SERINC2: variants seen among roughly 807,000 people sequenced by gnomAD.
The protein encoded by SERINC2 is serine incorporator 2.
SERINC2 carries 56 observed loss-of-function variants against 54.2 expected under a neutral mutation model. The ratio of observed to expected loss-of-function variants is 1.03; its 90% confidence interval spans 0.83 to 1.29. SERINC2 has a LOEUF of 1.29. Ranked by LOEUF, SERINC2 falls within the 50% of genes most tolerant of loss-of-function variation. The pLI is 0.00. For missense variants in SERINC2, 614 were observed against 607.4 expected, an observed-to-expected ratio of 1.01 and a Z score of -0.12; for synonymous variants, 272 against 253.1, an observed-to-expected ratio of 1.07 and a Z score of -0.71.
rs1641053485 is a variant in SERINC2, at chr1:31,426,726, C to T, written c.683C>T (p.Thr228Ile). The change falls in exon 6 of 10, where the codon ACT (threonine) becomes ATT (isoleucine). Residue 228 changes from threonine to isoleucine, a missense_variant. Physicochemically the swap from Thr to Ile is moderately conservative, Grantham distance 89. Coordinates refer to ENST00000373709, the MANE Select transcript of SERINC2 (RefSeq NM_178865.5). Reference sequence around the variant, plus strand: ...GTGGCGCTGATGTTCATGTACTACACTGAGCCCAGCGGCTGCCACGAGGGC... The same window carrying T: ...GTGGCGCTGATGTTCATGTACTACATTGAGCCCAGCGGCTGCCACGAGGGC... Reference protein sequence around the residue: ...AAVALMFMYYTEPSGCHEGKV... With the variant: ...AAVALMFMYYIEPSGCHEGKV... 3 of 1,614,046 alleles carry T rather than the reference C, an allele frequency of 1.9e-6. No homozygotes were observed. Among genetic ancestry groups the T allele is most frequent in the South Asian group, 2.2e-5 (2 of 91,088 alleles).
chr1:31,418,060 T>C (rs1177247602), intron 1 of SERINC2, among the ~76,000 whole-genome samples: 4 of 152,138 alleles, frequency 2.6e-5, no homozygotes, highest in African/African-American at 7.2e-5. Flanking sequence ...GGTTTCACCA[T>C]GTTGGCCAGG....
Position 31,426,837 on chromosome 1 carries a change from A to T in SERINC2, c.780+14A>T, listed in dbSNP as rs10454445. On this transcript the variant is annotated intron_variant, in intron 6 of 9. Transcript: ENST00000373709. The stretch of plus-strand genomic sequence containing the variant: ...CCCAAGGTCCAGGTGAGCCTGCCTG[A>T]CCCCCCCTGGCCTGAAGCCCGGCCC... 0.99 allele frequency: 1,585,469 copies of T among 1,608,008 alleles called. 784,109 individuals carry two copies. The highest frequency in any genetic ancestry group is 1 in the East Asian group (44,712 of 44,720).
chr1:31,432,128 ATAGGGTG>A (rs1557501464), intron 8 of SERINC2, among the ~76,000 whole-genome samples: 1 of 92,830 alleles, frequency 1.1e-5, no homozygotes, highest in African/African-American at 5.0e-5. Context: ...GTTAGGGTGG[ATAGGGTG>A]GACAGGGTGG....
chr1:31,432,294 A>T (rs916213078), intron 8 of SERINC2, among the ~76,000 whole-genome samples: 3 of 151,552 alleles, frequency 2.0e-5, no homozygotes, highest in Admixed American at 6.6e-5. Flanking sequence ...GCTGGAATCC[A>T]GCTCTCCTTT....
intron 1 of SERINC2, among the ~76,000 whole-genome samples, chr1:31,423,468 A>G (rs1285991967): frequency 6.6e-6 from 1 of 152,110 alleles, no homozygotes; most frequent in African/African-American, 2.4e-5. Context: ...CCACAGTATC[A>G]CTGGAGATAG....
At chr1:31,412,000 CAAAAAAAAAAAAA>C (rs11368197), upstream of SERINC2, among the ~76,000 whole-genome samples, 1 of 44,504 alleles carries the variant, frequency 2.2e-5, no homozygotes, top group Non-Finnish European at 3.9e-5. Context: ...GACCCTGTCT[CAAAAAAAAAAAAA>C]AAAAAAAAAA....
chr1:31,410,103 G>A, upstream of SERINC2: 1 of 1,283,664 alleles, frequency 7.8e-7, no homozygotes, highest in Non-Finnish European at 1.0e-6. Context: ...GGTTTACATA[G>A]CATTGGGTGG....
At chr1:31,419,810 C>G (rs1640864240) in intron 1 of SERINC2, among the ~76,000 whole-genome samples, 1 of 152,130 alleles carries the variant, frequency 6.6e-6, no homozygotes, top group Admixed American at 6.5e-5. Flanking sequence ...GCCTGGGTGA[C>G]AGAGCCAAAT....
Position 31,426,736 on chromosome 1 carries a change from C to T in SERINC2, c.693C>T (p.Ser231=), listed in dbSNP as rs1553133702. ...TGTTCATGTACTACACTGAGCCCAGCGGCTGCCACGAGGGCAAGGTCTTCA... is the reference window on the plus strand; with the variant it reads ...TGTTCATGTACTACACTGAGCCCAGTGGCTGCCACGAGGGCAAGGTCTTCA... ...ALMFMYYTEP[S]GCHEGKVFIS... The change falls in exon 6 of 10, where the codon AGC becomes AGT. Residue 231 remains serine, a synonymous_variant. Coordinates refer to ENST00000373709, the MANE Select transcript of SERINC2 (RefSeq NM_178865.5). 1.7e-5 allele frequency: 28 copies of T among 1,613,920 alleles called. No homozygotes were observed. Among genetic ancestry groups the T allele is most frequent in the Middle Eastern group, 1.6e-4 (1 of 6,084 alleles).
At chr1:31,410,503 C>G (rs201391177), upstream of SERINC2, 1,327 of 1,539,562 alleles carry the variant, frequency 8.6e-4, no homozygotes, top group Non-Finnish European at 1.1e-3. Flanking sequence ...AGGCAGGAGG[C>G]CAGGACAGTG....
intron 6 of SERINC2, among the ~76,000 whole-genome samples, chr1:31,427,928 A>G (rs1553133864): frequency 6.7e-6 from 1 of 148,812 alleles, no homozygotes; most frequent in East Asian, 2.0e-4. Context: ...TCCCAGGTTC[A>G]AGTGATTCTT....
intron 1 of SERINC2, chr1:31,414,355 T>C: frequency 7.8e-7 from 1 of 1,274,786 alleles, no homozygotes; most frequent in Non-Finnish European, 9.9e-7. Context: ...AAAGAGGCCC[T>C]GAGAGGGAGA....
chr1:31,423,611 G>T, intron 1 of SERINC2, 82 bp from the exon 2 acceptor site: 2 of 1,433,956 alleles, frequency 1.4e-6, no homozygotes, highest in Non-Finnish European at 1.9e-6. Context: ...CAGCACAGAT[G>T]CGCCGACCTC....
chr1:31,415,763 A>G (rs1640767083), intron 1 of SERINC2: 1 of 552,484 alleles, frequency 1.8e-6, no homozygotes, highest in Non-Finnish European at 2.3e-6. Flanking sequence ...GTGAAGTTCT[A>G]TGTGGGGTTT....
chr1:31,413,371 C>T lies in SERINC2; in HGVS notation c.39+67C>T. 1.1e-6 allele frequency: 1 copy of T among 875,532 alleles called. No homozygotes were observed. Among genetic ancestry groups the T allele is most frequent in the Non-Finnish European group, 1.5e-6 (1 of 661,728 alleles). 54.2% of individuals were successfully genotyped at this position (875,532 alleles called of 1,614,324 possible). On this transcript the variant is annotated intron_variant, in intron 1 of 9. Coordinates refer to ENST00000373709, the MANE Select transcript of SERINC2 (RefSeq NM_178865.5). The surrounding 1 kb of genome is among the most constrained non-coding windows in gnomAD (Gnocchi z 5.0). ...TCCTGCTGCGGGCCCTCACTTTCTTCTGTTCTGCTCCGAGTAGTTTCTTCT... is the reference window on the plus strand; with the variant it reads ...TCCTGCTGCGGGCCCTCACTTTCTTTTGTTCTGCTCCGAGTAGTTTCTTCT...
Position 31,413,851 on chromosome 1 carries a change from G to T in SERINC2, c.39+547G>T. 2 of 1,412,418 alleles carry T rather than the reference G, an allele frequency of 1.4e-6. No homozygotes were observed. Among genetic ancestry groups the T allele is most frequent in the South Asian group, 3.1e-5 (2 of 65,094 alleles). The allele number at this position is 1,412,418 out of a possible 1,614,324, so 87.5% of individuals were successfully genotyped here. On this transcript the variant is annotated intron_variant, in intron 1 of 9. Transcript: ENST00000373709. This position sits in a 1 kb window ranked among gnomAD's most constrained non-coding sequence, Gnocchi z 5.0. ...TCCTGTCTGTGTCCGTCGTTCGTCC[G>T]ACTGTCTTTGTCCGTCTGCTGTCTT...
chr1:31,434,018 T>G (rs1641395510), intron 9 of SERINC2, 46 bp from the exon 10 acceptor site: 1 of 1,600,842 alleles, frequency 6.2e-7, no homozygotes, highest in Non-Finnish European at 8.5e-7. Flanking sequence ...AAGATGGAAG[T>G]CACCAGACTG....
intron 7 of SERINC2, 108 bp downstream of exon 7, chr1:31,429,176 C>A: frequency 9.0e-7 from 1 of 1,111,006 alleles, no homozygotes; most frequent in Non-Finnish European, 1.4e-6. Flanking sequence ...CCTGCTCCAG[C>A]CCATTCTGAG....
At chr1:31,425,978 A>C (rs1176698320) in intron 5 of SERINC2, 65 bp downstream of exon 5, 1 of 1,536,096 alleles carries the variant, frequency 6.5e-7, no homozygotes. Context: ...GCTGCCTGAG[A>C]AATCGAGGGT....
Sources: allele counts gnomAD v4.1 joint callset (sites outside exome capture counted in the v4.1 genomes callset), GRCh38; gene constraint gnomAD v4.1.1; non-coding constraint Gnocchi (gnomAD v3.1); transcripts MANE v1.5; gene names NCBI Gene and HGNC (gene_info 2026-07-23, HGNC 2026-07-21).